ZNF469: variants seen among roughly 807,000 people sequenced by gnomAD.
ZNF469 encodes zinc finger protein 469.
Under a neutral mutation model 1.0 loss-of-function variants are expected in ZNF469, and 1 was observed. The observed-to-expected ratio is 1.00, with a 90% CI of 0.35 to 4.73. The LOEUF (loss-of-function observed/expected upper bound fraction) is 4.73. Ranked by LOEUF, ZNF469 falls within the 30% of genes most tolerant of loss-of-function variation. ZNF469 has a pLI of 0.16. For synonymous variants in ZNF469, 2,703 were observed against 2,363.4 expected (o/e 1.14, Z -4.17); for missense variants, 6,100 against 5,356.3 (o/e 1.14, Z -4.33).
chr16:88,437,352 C>G lies in ZNF469; in HGVS notation c.9882C>G (p.Thr3294=), dbSNP rs1403290387. The part of the protein sequence containing the change: ...GAATPDSASA[T]ALADAGSPGP... ...CGACCCCAGACAGCGCCTCTGCCAC[C>G]GCCCTGGCTGACGCCGGCAGCCCGG... is the stretch of plus-strand genomic sequence containing the variant. Residue 3294 remains threonine (T), a synonymous_variant, in exon 3 of 3, where the codon ACC becomes ACG. Coordinates refer to ENST00000565624, the MANE Select transcript of ZNF469 (RefSeq NM_001367624.2). 1.9e-6 allele frequency: 3 copies of G among 1,543,348 alleles called. No individual in the cohort carries two copies. Among genetic ancestry groups the G allele is most frequent in the Non-Finnish European group, 2.6e-6 (3 of 1,143,672 alleles).
At chr16:88,112,720 C>G in the ZNF469 span, among the ~76,000 whole-genome samples, 1 of 149,672 alleles carries the variant, frequency 6.7e-6, no homozygotes, top group East Asian at 2.0e-4. Flanking sequence ...TATTTCCTCC[C>G]ATTCTGTGGG....
chr16:88,235,761 GC>G, the ZNF469 span, among the ~76,000 whole-genome samples: 1 of 152,242 alleles, frequency 6.6e-6, no homozygotes, highest in Admixed American at 6.5e-5. Context: ...GTTATTCTGA[GC>G]CAGATGTGAG....
the ZNF469 span, among the ~76,000 whole-genome samples, chr16:88,249,208 C>A: frequency 7.3e-6 from 1 of 136,814 alleles, no homozygotes; most frequent in Non-Finnish European, 1.6e-5. Context: ...CCGTCAATAC[C>A]CACAGCCAGC....
At chr16:88,289,003 G>A in the ZNF469 span, among the ~76,000 whole-genome samples, 2 of 151,976 alleles carry the variant, frequency 1.3e-5, no homozygotes, top group Admixed American at 1.3e-4. Flanking sequence ...GATGGTGGTG[G>A]TGATGATAAT....
At chr16:88,211,626 C>T in the ZNF469 span, among the ~76,000 whole-genome samples, 1 of 152,080 alleles carries the variant, frequency 6.6e-6, no homozygotes, top group Non-Finnish European at 1.5e-5. Flanking sequence ...CTTAGCTGAG[C>T]AGATATGTGC....
chr16:88,433,937 G>T lies in ZNF469; in HGVS notation c.6467G>T (p.Cys2156Phe). The T allele has an allele frequency of 6.5e-7, 1 of 1,550,136 alleles. No individual in the cohort carries two copies. Among genetic ancestry groups the T allele is most frequent in the Non-Finnish European group, 8.7e-7 (1 of 1,146,906 alleles). Residue 2156 changes from cysteine to phenylalanine, a missense_variant, in exon 3 of 3, where the codon TGC becomes TTC. By Grantham distance (205) the Cys-to-Phe change is radical. Transcript: ENST00000565624. ...LGGQLPASPS[C>F]RDPPGPQQLL... ...GGGCAGCTGCCAGCATCTCCGTCCTGCAGGGACCCTCCCGGCCCCCAGCAG... is the reference window on the plus strand; with the variant it reads ...GGGCAGCTGCCAGCATCTCCGTCCTTCAGGGACCCTCCCGGCCCCCAGCAG...
the ZNF469 span, among the ~76,000 whole-genome samples, chr16:88,165,640 G>A: frequency 2.6e-5 from 4 of 152,226 alleles, no homozygotes; most frequent in East Asian, 1.9e-4. Context: ...AACATAAGAC[G>A]TACTATCTTA....
the ZNF469 span, among the ~76,000 whole-genome samples, chr16:88,351,806 C>G: frequency 1.0e-3 from 152 of 152,342 alleles, 2 homozygotes; most frequent in Middle Eastern, 0.01. Context: ...CACCACCCAC[C>G]ACCCTCTCCC....
Position 88,437,596 on chromosome 16 carries a change from G to A in ZNF469, c.10126G>A (p.Glu3376Lys). The A allele has an allele frequency of 1.3e-6, 2 of 1,537,178 alleles. No homozygotes were observed. The highest frequency in any genetic ancestry group is 1.8e-6 in the Non-Finnish European group (2 of 1,137,262). ...CCCCCGGTGCCCCCGGGTCTACCCC[G>A]AGCACGGGGAGCTGCTGGCACACCT... The part of the protein sequence containing the change: ...LCPRCPRVYP[E>K]HGELLAHLGG... The change falls in exon 3 of 3, where the codon GAG (glutamate) becomes AAG (lysine). Residue 3376 changes from glutamate to lysine, a missense_variant. Glu to Lys is a moderately conservative substitution (Grantham distance 56). Transcript: ENST00000565624.
chr16:88,291,315 C>T, the ZNF469 span, among the ~76,000 whole-genome samples: 3 of 152,178 alleles, frequency 2.0e-5, no homozygotes, highest in African/African-American at 7.2e-5. Context: ...TTGGTCCCCA[C>T]TACACACACT....
At chr16:88,251,174 G>A in the ZNF469 span, among the ~76,000 whole-genome samples, 3 of 152,128 alleles carry the variant, frequency 2.0e-5, no homozygotes, top group Non-Finnish European at 2.9e-5. Context: ...CACCGCGCCC[G>A]GCCTGTTTGG....
the ZNF469 span, among the ~76,000 whole-genome samples, chr16:88,226,065 T>C: frequency 2.9e-3 from 442 of 152,256 alleles, 1 homozygote; most frequent in African/African-American, 9.4e-3. Context: ...GTGGCCCCGC[T>C]GGTGTCTGGG....
At position 88,408,746 on chromosome 16, in the gene ZNF469, C is replaced by T. The variant is rs555596596; in HGVS notation, c.-191-16061C>T. Among the ~76,000 whole-genome samples the T allele has an allele frequency of 5.4e-3, 816 of 152,330 alleles. 3 individuals carry two copies. The highest frequency in any genetic ancestry group is 9.6e-3 in the Non-Finnish European group (656 of 68,032). ...AGCCCTGACCCTCCCGCCTGGCCCC[C>T]GTCCCTGCAGACCCCAGCTGGCCCG... On this transcript the variant is annotated intron_variant, in intron 1 of 2. Coordinates refer to ENST00000565624, the MANE Select transcript of ZNF469 (RefSeq NM_001367624.2).
chr16:88,300,634 G>A, the ZNF469 span, among the ~76,000 whole-genome samples: 1 of 152,090 alleles, frequency 6.6e-6, no homozygotes, highest in Non-Finnish European at 1.5e-5. Context: ...CATAGAGCAC[G>A]TGATTCCCCT....
intron 2 of ZNF469, among the ~76,000 whole-genome samples, chr16:88,426,291 T>C (rs1905696472): frequency 6.6e-6 from 1 of 152,246 alleles, no homozygotes; most frequent in Non-Finnish European, 1.5e-5. Flanking sequence ...CAGGGGTCAG[T>C]GGCAAGGACA....
chr16:88,302,045 G>T, the ZNF469 span, among the ~76,000 whole-genome samples: 1 of 152,226 alleles, frequency 6.6e-6, no homozygotes, highest in Non-Finnish European at 1.5e-5. Flanking sequence ...GGCTGAGCCT[G>T]GCTCACGGGC....
the ZNF469 span, among the ~76,000 whole-genome samples, chr16:88,161,203 A>C: frequency 2.0e-5 from 3 of 151,912 alleles, no homozygotes; most frequent in South Asian, 6.2e-4. Flanking sequence ...TGAAAAGTCC[A>C]ACCTTAAAGG....
the ZNF469 span, among the ~76,000 whole-genome samples, chr16:88,174,190 G>C: frequency 6.6e-6 from 1 of 152,174 alleles, no homozygotes; most frequent in Non-Finnish European, 1.5e-5. Context: ...TAGAAAGATA[G>C]AGTGGCTCTA....
In ZNF469 at chr16:88,436,751, A is replaced by T. The variant is rs1367292715; in HGVS notation, c.9281A>T (p.Glu3094Val). The T allele has an allele frequency of 6.5e-7, 1 of 1,547,794 alleles. No homozygotes were observed. Among genetic ancestry groups the T allele is most frequent in the Admixed American group, 2.0e-5 (1 of 50,922 alleles). ...SQGPQSRRTE[E>V]AAGAGRAQGR... The stretch of plus-strand genomic sequence containing the variant: ...GGGCCACAGAGCCGAAGGACAGAGG[A>T]GGCTGCAGGGGCAGGGAGGGCCCAA... Residue 3094 changes from glutamate to valine, a missense_variant, in exon 3 of 3, where the codon GAG (glutamate) becomes GTG (valine). By Grantham distance (121) the Glu-to-Val change is moderately radical. Transcript: ENST00000565624.
Sources: allele counts gnomAD v4.1 joint callset (sites outside exome capture counted in the v4.1 genomes callset), GRCh38; gene constraint gnomAD v4.1.1; transcripts MANE v1.5; gene names NCBI Gene and HGNC (gene_info 2026-07-23, HGNC 2026-07-21).